The following TRIM33 variants were observed in gnomAD, a reference collection of about 807,000 sequenced individuals.
TRIM33 encodes tripartite motif containing 33.
TRIM33 carries 20 observed loss-of-function variants against 125.4 expected under a neutral mutation model. The observed-to-expected ratio is 0.16, with a 90% confidence interval of 0.11 to 0.23. TRIM33 has a LOEUF of 0.23. TRIM33 is among the 10% of genes least tolerant of loss of function. TRIM33 has a pLI of 1.00. For missense variants in TRIM33, 920 were observed against 1,411.4 expected, an observed-to-expected ratio of 0.65 and a Z score of 5.58; for synonymous variants, 564 against 513.9, an observed-to-expected ratio of 1.10 and a Z score of -1.32.
intron 10 of TRIM33, among the ~76,000 whole-genome samples, chr1:114,423,988 C>T (rs1043108666): frequency 2.0e-5 from 3 of 152,032 alleles, no homozygotes; most frequent in Non-Finnish European, 2.9e-5. Flanking sequence ...AAAAAATAAA[C>T]TCTATTATAA....
chr1:114,508,486 C>G (rs1481900849), intron 1 of TRIM33, among the ~76,000 whole-genome samples: 1 of 152,298 alleles, frequency 6.6e-6, no homozygotes, highest in South Asian at 2.1e-4. Flanking sequence ...TGAACACCTA[C>G]TAACAATTAG....
chr1:114,502,030 T>G (rs1033373312), intron 1 of TRIM33, among the ~76,000 whole-genome samples: 2 of 152,364 alleles, frequency 1.3e-5, no homozygotes, highest in Non-Finnish European at 2.9e-5. Flanking sequence ...TCTACCATCC[T>G]GAGCCCAATC....
intron 1 of TRIM33, among the ~76,000 whole-genome samples, chr1:114,464,590 C>A (rs1030906955): frequency 3.3e-5 from 5 of 152,116 alleles, no homozygotes; most frequent in African/African-American, 1.2e-4. Flanking sequence ...CATTATGATG[C>A]CTCCCAAGAA....
chr1:114,475,091 G>A (rs188692148), intron 1 of TRIM33, among the ~76,000 whole-genome samples: 5 of 152,126 alleles, frequency 3.3e-5, no homozygotes, highest in Non-Finnish European at 5.9e-5. Context: ...CAAAACTGAA[G>A]GGAGACAAAC....
At chr1:114,440,702 G>A (rs1025564514) in intron 4 of TRIM33, among the ~76,000 whole-genome samples, 1 of 152,098 alleles carries the variant, frequency 6.6e-6, no homozygotes, top group Non-Finnish European at 1.5e-5. Context: ...GAGAGTATTT[G>A]TGAACTGAGA....
chr1:114,507,077 T>C (rs1296410076), intron 1 of TRIM33, among the ~76,000 whole-genome samples: 3 of 152,230 alleles, frequency 2.0e-5, no homozygotes, highest in African/African-American at 4.8e-5. Flanking sequence ...AAAATAAACA[T>C]TTTGGATTTT....
chr1:114,456,212 C>T (rs774195363), intron 4 of TRIM33, among the ~76,000 whole-genome samples: 16 of 152,146 alleles, frequency 1.1e-4, no homozygotes, highest in Non-Finnish European at 2.1e-4. Context: ...CGTAAGTTCA[C>T]CTTGAGGTCA....
chr1:114,480,475 TTA>T (rs372486711), intron 1 of TRIM33, among the ~76,000 whole-genome samples: 1,436 of 83,804 alleles, frequency 0.017, 17 homozygotes, highest in African/African-American at 0.072. Context: ...AATGATCAAT[TTA>T]AAAAAAAAAA....
At chr1:114,479,173 T>C (rs1651150652) in intron 1 of TRIM33, among the ~76,000 whole-genome samples, 2 of 151,892 alleles carry the variant, frequency 1.3e-5, no homozygotes, top group Non-Finnish European at 2.9e-5. Context: ...CAGAAACCAG[T>C]AGAACAATGT....
Position 114,433,700 on chromosome 1 carries a change from C to T in TRIM33, c.957G>A (p.Gln319=). The change falls in exon 5 of 20, where the codon CAG becomes CAA. Residue 319 remains glutamine (Q), a synonymous_variant. Transcript: ENST00000358465. ...YQFLEEAFQN[Q]KGAIENLLAK... ...CCAGTAGATTCTCAATTGCACCCTT[C>T]TGATTTTGAAAAGCTTCTTCCAAAA... 6.2e-7 allele frequency: 1 copy of T among 1,610,514 alleles called. No homozygotes were observed. Among genetic ancestry groups the T allele is most frequent in the South Asian group, 1.1e-5 (1 of 89,962 alleles).
At chr1:114,486,347 C>T (rs1414035769) in intron 1 of TRIM33, among the ~76,000 whole-genome samples, 1 of 150,950 alleles carries the variant, frequency 6.6e-6, no homozygotes, top group Non-Finnish European at 1.5e-5. Context: ...AAAAAAAAGA[C>T]CAATGGAAAT....
At chr1:114,494,223 A>C (rs779493679) in intron 1 of TRIM33, among the ~76,000 whole-genome samples, 96 of 152,144 alleles carry the variant, frequency 6.3e-4, no homozygotes, top group South Asian at 1.7e-3. Flanking sequence ...AGGCTCCCAA[A>C]GTGCTGGGAT....
intron 1 of TRIM33, among the ~76,000 whole-genome samples, chr1:114,481,093 A>G (rs977920398): frequency 6.6e-6 from 1 of 151,558 alleles, no homozygotes; most frequent in Non-Finnish European, 1.5e-5. Flanking sequence ...AATAGCTTGA[A>G]CCCCAGGAGA....
chr1:114,502,834 A>C lies in TRIM33; in HGVS notation c.526+7717T>G, dbSNP rs567538494. ...ACAGGTTTAAACAACACTTTTAAAA[A>C]TCAGAAATAACTGTATTTCCTAAAA... On this transcript the variant is annotated intron_variant, in intron 1 of 19. Coordinates refer to ENST00000358465, the MANE Select transcript of TRIM33 (RefSeq NM_015906.4). Among the ~76,000 whole-genome samples, 3 of 152,340 alleles carry C rather than the reference A, an allele frequency of 2.0e-5. No individual in the cohort carries two copies. The South Asian group carries it at 6.2e-4, about 32-fold the overall frequency.
chr1:114,478,238 T>G (rs1391116084), intron 1 of TRIM33, among the ~76,000 whole-genome samples: 2 of 152,338 alleles, frequency 1.3e-5, no homozygotes, highest in East Asian at 3.9e-4. Flanking sequence ...GAAAAATCAG[T>G]AGTTTTACTA....
At chr1:114,419,290 T>A (rs1335554408) in intron 11 of TRIM33, among the ~76,000 whole-genome samples, 2 of 151,988 alleles carry the variant, frequency 1.3e-5, no homozygotes, top group Non-Finnish European at 2.9e-5. Flanking sequence ...AGAGACTGAT[T>A]TGAGTAATAA....
At chr1:114,504,664 G>A (rs2101579788) in intron 1 of TRIM33, among the ~76,000 whole-genome samples, 1 of 152,262 alleles carries the variant, frequency 6.6e-6, no homozygotes, top group Middle Eastern at 3.4e-3. Context: ...CTGCTTTAAG[G>A]TATTCTCATT....
At position 114,397,797 on chromosome 1, in the gene TRIM33, C is replaced by T. The variant is rs1280651385; in HGVS notation, c.3235G>A (p.Glu1079Lys). Reference protein sequence around the residue: ...VALYFEDKLTEIYSDRTFAPL... With the variant: ...VALYFEDKLTKIYSDRTFAPL... ...GCGAAGGTCCTGTCTGAGTAGATCT[C>T]TGTGAGTTTATCTTCAAAGTACAAT... The change falls in exon 20 of 20, where the codon GAG becomes AAG. Residue 1079 changes from glutamate to lysine, a missense_variant. Physicochemically the swap from Glu to Lys is moderately conservative, Grantham distance 56. This residue lies in a region of TRIM33 where 122 missense variants were observed against 236.8 expected (regional missense o/e 0.52). Coordinates refer to ENST00000358465, the MANE Select transcript of TRIM33 (RefSeq NM_015906.4). 6 of 1,613,728 alleles carry T rather than the reference C, an allele frequency of 3.7e-6. No homozygotes were observed. The highest frequency in any genetic ancestry group is 2.7e-5 in the African/African-American group (2 of 74,836).
At chr1:114,411,308 G>A (rs921529001) in intron 11 of TRIM33, among the ~76,000 whole-genome samples, 4 of 152,142 alleles carry the variant, frequency 2.6e-5, no homozygotes, top group African/African-American at 9.7e-5. Flanking sequence ...GTCTCCCAAA[G>A]TACTGGGATT....
Sources: gnomAD v4.1 joint callset for allele counts (sites outside exome capture counted in the v4.1 genomes callset) on GRCh38, gnomAD v4.1.1 for gene constraint, gnomAD v4.1.1 regional missense constraint, MANE v1.5 for transcripts, NCBI Gene and HGNC (gene_info 2026-07-23, HGNC 2026-07-21) for gene names.